Variants in NELL1 observed in about 807,000 individuals in gnomAD.
The protein encoded by NELL1 is neural EGFL like 1.
In NELL1, 76 loss-of-function variants were observed where a neutral mutation model predicts 107.4. That is an observed-to-expected ratio of 0.71 (90% CI 0.59 to 0.86). The LOEUF (loss-of-function observed/expected upper bound fraction) is 0.86, where lower values mean the gene tolerates loss of function less well. Among genes scored for constraint, NELL1 ranks in the 40% least tolerant of loss-of-function variants. NELL1 has a pLI of 0.00. For missense variants in NELL1, 1,024 were observed against 1,005.5 expected (o/e 1.02, Z -0.25); for synonymous variants, 353 against 341.2 (o/e 1.03, Z -0.38).
At chr11:21,335,053 C>T (rs1034892910) in intron 14 of NELL1, among the ~76,000 whole-genome samples, 8 of 151,798 alleles carry the variant, frequency 5.3e-5, no homozygotes, top group Non-Finnish European at 1.2e-4. Flanking sequence ...GAAGAGGCTC[C>T]AAAAGTGGAA....
intron 15 of NELL1, among the ~76,000 whole-genome samples, chr11:21,374,887 CTGTGTGTGTGTGTG>C (rs10566953): frequency 1.7e-4 from 25 of 143,850 alleles, no homozygotes; most frequent in African/African-American, 4.2e-4. Context: ...CTGTGTGTGT[CTGTGTGTGTGTGTG>C]TGTGTGTGTG....
intron 15 of NELL1, among the ~76,000 whole-genome samples, chr11:21,455,997 C>T (rs59813290): frequency 0.025 from 3,826 of 150,376 alleles, 172 homozygotes; most frequent in African/African-American, 0.086. Flanking sequence ...CAGCATTTCT[C>T]CTGTCTCAGC....
intron 14 of NELL1, among the ~76,000 whole-genome samples, chr11:21,258,254 C>T (rs916573945): frequency 4.6e-5 from 7 of 151,958 alleles, no homozygotes; most frequent in African/African-American, 9.7e-5. Flanking sequence ...AGAAGAAAAG[C>T]TGTTTCTTGA....
intron 14 of NELL1, among the ~76,000 whole-genome samples, chr11:21,300,817 A>C (rs1370080692): frequency 6.6e-6 from 1 of 152,076 alleles, no homozygotes; most frequent in East Asian, 1.9e-4. Flanking sequence ...GGTTGGTTAC[A>C]TATGTATACA....
intron 12 of NELL1, among the ~76,000 whole-genome samples, chr11:21,069,237 A>G (rs778138239): frequency 2.0e-5 from 3 of 152,344 alleles, no homozygotes; most frequent in African/African-American, 4.8e-5. Context: ...ACATTTACCT[A>G]TGTAACAAAG....
chr11:21,497,170 G>T, intron 15 of NELL1, among the ~76,000 whole-genome samples: 1 of 109,656 alleles, frequency 9.1e-6, no homozygotes, highest in Non-Finnish European at 1.7e-5. Context: ...GGTGGGGGGA[G>T]GGGGGAGGGA....
chr11:21,234,408 A>G (rs1353511720), intron 14 of NELL1, among the ~76,000 whole-genome samples: 1 of 152,152 alleles, frequency 6.6e-6, no homozygotes, highest in Non-Finnish European at 1.5e-5. Context: ...CACTTGGTAT[A>G]TTCATGTGGC....
chr11:21,219,513 T>C (rs1275181284), intron 13 of NELL1, among the ~76,000 whole-genome samples: 6 of 152,192 alleles, frequency 3.9e-5, no homozygotes, highest in Non-Finnish European at 2.9e-5. Context: ...TTAGTTTTGT[T>C]GCCTGTACTT....
At chr11:21,010,875 C>T (rs948527038) in intron 12 of NELL1, among the ~76,000 whole-genome samples, 6 of 152,072 alleles carry the variant, frequency 3.9e-5, no homozygotes, top group African/African-American at 1.4e-4. Context: ...ACTGTTCTAC[C>T]TTGGGCTGCC....
chr11:21,550,384 CT>C (rs1475819686), intron 16 of NELL1, among the ~76,000 whole-genome samples: 1 of 151,868 alleles, frequency 6.6e-6, no homozygotes, highest in Non-Finnish European at 1.5e-5. Context: ...GTTGCCATTG[CT>C]TTTGGTGTTT....
rs146686775 is a variant in NELL1, at chr11:21,427,129, G to A, written c.1645+56181G>A. On this transcript the variant is annotated intron_variant, in intron 15 of 19. Coordinates refer to ENST00000357134, the MANE Select transcript of NELL1 (RefSeq NM_006157.5). ...AAGTCAGCATGAAACAGGGGAGAGT[G>A]AGGACAAGCTGTTAGGCATCTCTGC... 3.3e-5 allele frequency among the ~76,000 whole-genome samples: 5 copies of A among 152,312 alleles called. No homozygotes were observed. The East Asian group carries it at 9.7e-4, about 29-fold the overall frequency.
At chr11:20,974,228 G>A (rs529715440) in intron 12 of NELL1, among the ~76,000 whole-genome samples, 19 of 152,282 alleles carry the variant, frequency 1.2e-4, no homozygotes, top group African/African-American at 3.9e-4. Context: ...GGGACACTCC[G>A]AGGTGTTTGA....
chr11:20,730,518 T>C (rs1420725751), intron 2 of NELL1, among the ~76,000 whole-genome samples: 23 of 152,172 alleles, frequency 1.5e-4, no homozygotes, highest in Admixed American at 1.5e-3. Context: ...GCAGAATCGG[T>C]ACTTGAACCT....
intron 14 of NELL1, among the ~76,000 whole-genome samples, chr11:21,262,812 G>A (rs1791824): frequency 0.35 from 53,213 of 151,648 alleles, 10,429 homozygotes; most frequent in Non-Finnish European, 0.45. Flanking sequence ...TAAATGTTCT[G>A]ACATGATATC....
chr11:20,694,344 C>T (rs890149800), intron 2 of NELL1, among the ~76,000 whole-genome samples: 2 of 152,038 alleles, frequency 1.3e-5, no homozygotes, highest in African/African-American at 4.8e-5. Context: ...TTTGTCAAAG[C>T]TGTTGTCCAG....
intron 2 of NELL1, among the ~76,000 whole-genome samples, chr11:20,724,489 G>A (rs1013719405): frequency 6.6e-6 from 1 of 152,118 alleles, no homozygotes; most frequent in Non-Finnish European, 1.5e-5. Context: ...CACTCAAGCT[G>A]AAAGTCCCAT....
intron 4 of NELL1, among the ~76,000 whole-genome samples, chr11:20,877,589 T>C (rs191374603): frequency 6.6e-6 from 1 of 152,308 alleles, no homozygotes; most frequent in African/African-American, 2.4e-5. Flanking sequence ...ATACACTTGT[T>C]AGGGAGAGTG....
At chr11:21,450,672 A>G (rs1046317319) in intron 15 of NELL1, among the ~76,000 whole-genome samples, 1 of 152,218 alleles carries the variant, frequency 6.6e-6, no homozygotes, top group Non-Finnish European at 1.5e-5. Flanking sequence ...TTTGAAATGT[A>G]TATGATGAAT....
intron 12 of NELL1, among the ~76,000 whole-genome samples, chr11:20,989,043 A>G (rs1851914899): frequency 6.6e-6 from 1 of 152,118 alleles, no homozygotes; most frequent in African/African-American, 2.4e-5. Context: ...CTGTAACAAT[A>G]GTGTCCCTTG....
Sources: allele counts gnomAD v4.1 joint callset (sites outside exome capture counted in the v4.1 genomes callset), GRCh38; gene constraint gnomAD v4.1.1; transcripts MANE v1.5; gene names NCBI Gene and HGNC (gene_info 2026-07-23, HGNC 2026-07-21).